The following ERBIN variants were observed in gnomAD, a reference collection of about 807,000 sequenced individuals.
ERBIN encodes densin-180-like protein.
ERBIN carries 60 observed loss-of-function variants against 158.4 expected under a neutral mutation model. The ratio of observed to expected loss-of-function variants is 0.38; its 90% CI spans 0.31 to 0.47. ERBIN has a LOEUF of 0.47. Ranked by LOEUF, ERBIN falls within the 20% of genes least tolerant of loss-of-function variation. The pLI is 0.99. For missense variants in ERBIN, 1,610 were observed against 1,648.0 expected (o/e 0.98, Z 0.40); for synonymous variants, 594 against 557.2 (o/e 1.07, Z -0.93).
chr5:66,024,752 C>T (rs567761054), intron 10 of ERBIN, among the ~76,000 whole-genome samples: 1 of 151,946 alleles, frequency 6.6e-6, no homozygotes, highest in South Asian at 2.1e-4. Context: ...ATTTTGGTAA[C>T]TTTTTTCAGT....
chr5:65,936,402 C>T (rs1727921503), intron 1 of ERBIN, among the ~76,000 whole-genome samples: 1 of 152,092 alleles, frequency 6.6e-6, no homozygotes, highest in Non-Finnish European at 1.5e-5. Flanking sequence ...TTTGGGTGCC[C>T]TATTAATCCC....
Position 66,078,578 on chromosome 5 carries a change from A to T in ERBIN, c.*48A>T, listed in dbSNP as rs766101540. 6 of 1,067,748 alleles carry T rather than the reference A, an allele frequency of 5.6e-6. No homozygotes were observed. The highest frequency in any genetic ancestry group is 7.2e-6 in the Non-Finnish European group (5 of 693,646). The allele number at this position is 1,067,748 out of a possible 1,614,324, so 66.1% of individuals were successfully genotyped here. On this transcript the variant is annotated 3_prime_UTR_variant, in exon 26 of 26. Transcript: ENST00000284037. ...GGAAGACAGCAAGATTTATTGGAAG[A>T]TACTTACAGGGGAAATTAATATTTT...
intron 21 of ERBIN, among the ~76,000 whole-genome samples, chr5:66,060,084 T>G (rs1760097129): frequency 1.3e-5 from 2 of 152,252 alleles, no homozygotes; most frequent in Admixed American, 6.5e-5. Context: ...CCTCTTTTTC[T>G]GTTGACTGGA....
intron 4 of ERBIN, among the ~76,000 whole-genome samples, chr5:66,010,532 G>A (rs1318357034): frequency 6.6e-6 from 1 of 152,064 alleles, no homozygotes; most frequent in East Asian, 1.9e-4. Flanking sequence ...ACTAGTTTTA[G>A]CATGCATTGA....
intron 17 of ERBIN, among the ~76,000 whole-genome samples, chr5:66,045,534 A>G (rs1299770892): frequency 6.7e-6 from 1 of 149,560 alleles, no homozygotes; most frequent in Non-Finnish European, 1.5e-5. Context: ...GTGTAAGTAC[A>G]CTCTGTGATG....
At chr5:66,003,836 T>C (rs1270462498) in intron 4 of ERBIN, among the ~76,000 whole-genome samples, 1 of 151,790 alleles carries the variant, frequency 6.6e-6, no homozygotes, top group Admixed American at 6.6e-5. Flanking sequence ...AGAGAGAGAG[T>C]TCTTCTGTAA....
intron 1 of ERBIN, among the ~76,000 whole-genome samples, chr5:65,940,476 T>TTCC (rs1491533871): frequency 5.4e-5 from 1 of 18,474 alleles, no homozygotes; most frequent in Non-Finnish European, 1.0e-4. Context: ...GGGGGGTCAG[T>TTCC]CCCCCCCCCC....
chr5:66,051,321 G>C (rs993752654), intron 20 of ERBIN, among the ~76,000 whole-genome samples: 9 of 152,080 alleles, frequency 5.9e-5, no homozygotes, highest in African/African-American at 2.2e-4. Flanking sequence ...GCCATTAAAG[G>C]GTTCATTCAG....
rs192163581 is a variant in ERBIN, at chr5:65,999,754, A to C, written c.307+4890A>C. On this transcript the variant is annotated intron_variant, in intron 4 of 25. Coordinates refer to ENST00000284037, the MANE Select transcript of ERBIN (RefSeq NM_001253697.2). ...CCTCTCATTATTTTATTCAGGCTAA[A>C]TGTCTGCCGTTTCAGACTTTTCCTT... Among the ~76,000 whole-genome samples, 5 of 152,202 alleles carry C rather than the reference A, an allele frequency of 3.3e-5. No homozygotes were observed. The East Asian group carries it at 9.7e-4, about 29-fold the overall frequency.
intron 1 of ERBIN, among the ~76,000 whole-genome samples, chr5:65,932,935 C>T (rs1262642176): frequency 1.3e-5 from 2 of 152,108 alleles, no homozygotes; most frequent in South Asian, 2.1e-4. Flanking sequence ...AGACTATAGG[C>T]ATGCACCACC....
At chr5:66,040,627 A>G (rs71632553) in intron 15 of ERBIN, among the ~76,000 whole-genome samples, 4 of 151,970 alleles carry the variant, frequency 2.6e-5, no homozygotes, top group Non-Finnish European at 5.9e-5. Flanking sequence ...CCTTTCACCT[A>G]TAAGAAAGGC....
At chr5:66,016,511 T>A (rs1754737771) in intron 7 of ERBIN, among the ~76,000 whole-genome samples, 1 of 152,186 alleles carries the variant, frequency 6.6e-6, no homozygotes, top group Non-Finnish European at 1.5e-5. Context: ...TGTGTACAGT[T>A]CAGTGGTAAT....
chr5:66,009,595 CAGG>C (rs1753990194), intron 4 of ERBIN, among the ~76,000 whole-genome samples: 2 of 152,100 alleles, frequency 1.3e-5, no homozygotes, highest in African/African-American at 2.4e-5. Context: ...GTTTAGAGAT[CAGG>C]ATAGGCTTTC....
chr5:66,045,989 T>A (rs1758404798), intron 17 of ERBIN, among the ~76,000 whole-genome samples: 1 of 152,188 alleles, frequency 6.6e-6, no homozygotes, highest in Non-Finnish European at 1.5e-5. Context: ...ACAAAAGTTT[T>A]ACCATGTCAT....
chr5:65,963,963 C>G (rs1378840922), intron 1 of ERBIN, among the ~76,000 whole-genome samples: 2 of 151,916 alleles, frequency 1.3e-5, no homozygotes, highest in African/African-American at 4.8e-5. Flanking sequence ...CCATGCTTGG[C>G]TAATTTTTTG....
chr5:66,076,964 T>A lies in ERBIN; in HGVS notation c.4131+15T>A. 1 of 1,471,764 alleles carries A rather than the reference T, an allele frequency of 6.8e-7. No homozygotes were observed. The highest frequency in any genetic ancestry group is 9.3e-7 in the Non-Finnish European group (1 of 1,073,618). The allele number at this position is 1,471,764 out of a possible 1,614,324, so 91.2% of individuals were successfully genotyped here. A position where few individuals can be genotyped will look rare whatever the true frequency, so the allele number is the denominator to read the frequency against. On this transcript the variant is annotated intron_variant, in intron 25 of 25. Coordinates refer to ENST00000284037, the MANE Select transcript of ERBIN (RefSeq NM_001253697.2). Reference sequence around the variant, plus strand: ...AAATTATTCAGGTAATTAAAATAAATCTTTTTTTTTTTCATTTTATAACAC... The same window carrying A: ...AAATTATTCAGGTAATTAAAATAAAACTTTTTTTTTTTCATTTTATAACAC...
chr5:65,941,500 T>C (rs1340703333), intron 1 of ERBIN, among the ~76,000 whole-genome samples: 1 of 152,094 alleles, frequency 6.6e-6, no homozygotes, highest in East Asian at 1.9e-4. Context: ...TCCTCAGATT[T>C]TGGCATATGT....
intron 3 of ERBIN, among the ~76,000 whole-genome samples, chr5:65,993,858 T>C (rs1337911968): frequency 6.6e-6 from 1 of 152,224 alleles, no homozygotes; most frequent in East Asian, 1.9e-4. Flanking sequence ...TAAAAAATTA[T>C]TTGTTGTTTG....
chr5:66,043,173 A>G lies in ERBIN; in HGVS notation c.1403A>G (p.Lys468Arg). ...AQVAFECDED[K>R]DEREAPPREG... ...GTTGCATTTGAATGTGATGAAGACA[A>G]AGATGAAAGGGAGGCACCTCCCAGG... is the stretch of plus-strand genomic sequence containing the variant. Residue 468 changes from lysine (K) to arginine (R), a missense_variant, in exon 16 of 26, where the codon AAA (lysine) becomes AGA (arginine). Around this residue, in one of 2 missense-constraint regions of ERBIN, gnomAD observed 596 missense variants for 711.9 expected, o/e 0.84. Coordinates refer to ENST00000284037, the MANE Select transcript of ERBIN (RefSeq NM_001253697.2). 1.9e-6 allele frequency: 3 copies of G among 1,613,524 alleles called. No homozygotes were observed. The highest frequency in any genetic ancestry group is 2.7e-5 in the African/African-American group (2 of 75,034).
Sources: allele counts gnomAD v4.1 joint callset (sites outside exome capture counted in the v4.1 genomes callset), GRCh38; gene constraint gnomAD v4.1.1; regional missense constraint gnomAD v4.1.1; transcripts MANE v1.5; gene names NCBI Gene and HGNC (gene_info 2026-07-23, HGNC 2026-07-21).